The following CGNL1 variants were observed in gnomAD, a reference collection of about 807,000 sequenced individuals.
CGNL1 encodes the protein cingulin like 1, also known as cingulin-like protein 1.
In CGNL1, 132 loss-of-function variants were observed where a neutral mutation model predicts 141.2. The observed-to-expected ratio is 0.93, with a 90% CI of 0.81 to 1.08. The LOEUF is 1.08. CGNL1 is among the 50% of genes least tolerant of loss of function. The pLI is 0.00. For missense variants in CGNL1, 1,870 were observed against 1,588.6 expected, an observed-to-expected ratio of 1.18 and a Z score of -3.01; for synonymous variants, 690 against 622.1, an observed-to-expected ratio of 1.11 and a Z score of -1.63.
chr15:57,518,532 A>G (rs754014357), intron 10 of CGNL1, 35 bp downstream of exon 10: 37 of 1,414,702 alleles, frequency 2.6e-5, no homozygotes, highest in Non-Finnish European at 3.5e-5. Flanking sequence ...TACTCCCTCA[A>G]GAAGAATGCA....
chr15:57,462,607 T>C (rs1292568377), intron 8 of CGNL1, among the ~76,000 whole-genome samples: 2 of 152,288 alleles, frequency 1.3e-5, no homozygotes, highest in East Asian at 3.9e-4. Flanking sequence ...GACTCTGCAA[T>C]ATATAGGTTA....
chr15:57,424,900 C>T, intron 1 of CGNL1, among the ~76,000 whole-genome samples: 1 of 152,156 alleles, frequency 6.6e-6, no homozygotes, highest in East Asian at 1.9e-4. Flanking sequence ...GATCATCCTA[C>T]ATATTAATGT....
intron 1 of CGNL1, among the ~76,000 whole-genome samples, chr15:57,407,655 G>A (rs1176955080): frequency 2.0e-5 from 3 of 152,078 alleles, no homozygotes; most frequent in Non-Finnish European, 2.9e-5. Flanking sequence ...TGGCCTGGGC[G>A]ACAGAGTGAG....
chr15:57,400,318 T>C (rs2062646056), intron 1 of CGNL1, among the ~76,000 whole-genome samples: 1 of 152,202 alleles, frequency 6.6e-6, no homozygotes, highest in Non-Finnish European at 1.5e-5. Flanking sequence ...GTCTGCCTTT[T>C]GTGGTTCTTC....
At chr15:57,415,155 T>C (rs1343262767) in intron 1 of CGNL1, among the ~76,000 whole-genome samples, 1 of 152,214 alleles carries the variant, frequency 6.6e-6, no homozygotes. Flanking sequence ...CCTTTTTCTT[T>C]TCTTCCTGGA....
intron 12 of CGNL1, chr15:57,527,205 C>T (rs1652145079): frequency 6.6e-6 from 1 of 152,164 alleles, no homozygotes; most frequent in Admixed American, 6.5e-5. Flanking sequence ...GGGTCTTCAT[C>T]TGGAGATGTC....
chr15:57,463,295 A>G (rs2063469097), intron 8 of CGNL1, among the ~76,000 whole-genome samples: 1 of 152,210 alleles, frequency 6.6e-6, no homozygotes, highest in Non-Finnish European at 1.5e-5. Context: ...AGGAAAGGAT[A>G]CATGGTAGGT....
At position 57,516,954 on chromosome 15, in the gene CGNL1, G is replaced by A. The variant is rs749831898; in HGVS notation, c.2578G>A (p.Ala860Thr). Residue 860 changes from alanine to threonine, a missense_variant, in exon 9 of 19, where the codon GCC becomes ACC. Coordinates refer to ENST00000281282, the MANE Select transcript of CGNL1 (RefSeq NM_032866.5). ...RQIEDLKGDE[A>T]KAKETLKKYE... Reference sequence around the variant, plus strand: ...GATCGAGGACCTGAAAGGCGATGAAGCCAAGGCGAAGGAAACGCTGAAGAA... The same window carrying A: ...GATCGAGGACCTGAAAGGCGATGAAACCAAGGCGAAGGAAACGCTGAAGAA... 3.7e-6 allele frequency: 6 copies of A among 1,613,542 alleles called. No individual in the cohort carries two copies. In the South Asian group the frequency reaches 4.4e-5, roughly 12 times the overall value.
intron 14 of CGNL1, among the ~76,000 whole-genome samples, chr15:57,532,034 T>C (rs1261087968): frequency 1.3e-5 from 2 of 152,216 alleles, no homozygotes. Flanking sequence ...TCAAGGTTTT[T>C]AGGTTTTGAT....
chr15:57,486,254 G>T (rs983851320), intron 8 of CGNL1, among the ~76,000 whole-genome samples: 1 of 152,146 alleles, frequency 6.6e-6, no homozygotes, highest in Non-Finnish European at 1.5e-5. Flanking sequence ...CTTCTTCTGT[G>T]TTAGGTCATC....
intron 1 of CGNL1, chr15:57,407,296 T>G (rs1836883779): frequency 6.6e-6 from 1 of 152,182 alleles, no homozygotes; most frequent in Non-Finnish European, 1.5e-5. Flanking sequence ...TCCTCATCTG[T>G]TTTGTTTTAT....
chr15:57,437,866 T>C (rs2458104), intron 1 of CGNL1, 119 bp from the exon 2 acceptor site: 16 of 1,026,272 alleles, frequency 1.6e-5, no homozygotes, highest in Non-Finnish European at 2.3e-5. Context: ...TCTTTGCTGT[T>C]TAAAATGTCT....
chr15:57,460,415 C>G (rs2063430802), intron 7 of CGNL1, among the ~76,000 whole-genome samples: 1 of 151,836 alleles, frequency 6.6e-6, no homozygotes, highest in Non-Finnish European at 1.5e-5. Context: ...GGCAGGTAGC[C>G]AAGATTCAAG....
chr15:57,441,301 A>ATC (rs1567120130), intron 3 of CGNL1, among the ~76,000 whole-genome samples: 1 of 152,248 alleles, frequency 6.6e-6, no homozygotes, highest in Non-Finnish European at 1.5e-5. Context: ...GGTTATTAGT[A>ATC]TCTCCCTGTG....
rs1475112433 is a variant in CGNL1, at chr15:57,438,082, A to T, written c.83A>T (p.Lys28Ile). 6.2e-7 allele frequency: 1 copy of T among 1,613,998 alleles called. No individual in the cohort carries two copies. Among genetic ancestry groups the T allele is most frequent in the Non-Finnish European group, 8.5e-7 (1 of 1,180,018 alleles). Reference protein sequence around the residue: ...HLRLASDDTQKSRSSQNSKAG... With the variant: ...HLRLASDDTQISRSSQNSKAG... ...AGACTCGCAAGTGATGATACCCAAA[A>T]ATCAAGGAGTTCCCAGAACTCCAAG... The change falls in exon 2 of 19, where the codon AAA becomes ATA. Residue 28 changes from lysine (K) to isoleucine (I), a missense_variant. By Grantham distance (102) the Lys-to-Ile change is moderately radical. Coordinates refer to ENST00000281282, the MANE Select transcript of CGNL1 (RefSeq NM_032866.5).
At chr15:57,378,111 G>A (rs1706345) in intron 1 of CGNL1, among the ~76,000 whole-genome samples, 68,128 of 151,982 alleles carry the variant, frequency 0.45, 16,718 homozygotes, top group African/African-American at 0.65. Flanking sequence ...CTGTCACATG[G>A]TCTTAAAAAT....
intron 14 of CGNL1, among the ~76,000 whole-genome samples, chr15:57,541,701 T>G (rs2032573553): frequency 6.6e-6 from 1 of 152,206 alleles, no homozygotes; most frequent in Admixed American, 6.5e-5. Context: ...TCCTTTTCAC[T>G]TAGATGGTCC....
chr15:57,464,105 T>G (rs963711271), intron 8 of CGNL1, among the ~76,000 whole-genome samples: 2 of 150,370 alleles, frequency 1.3e-5, no homozygotes, highest in African/African-American at 4.9e-5. Context: ...AGTGACAAAC[T>G]CTAGTACCTC....
At chr15:57,546,323 G>T (rs1567181681) in intron 18 of CGNL1, 84 bp downstream of exon 18, 7 of 1,418,242 alleles carry the variant, frequency 4.9e-6, no homozygotes, top group Non-Finnish European at 6.6e-6. Context: ...TCACACTCCT[G>T]TTGTCTCAAG....
Sources: allele counts gnomAD v4.1 joint callset (sites outside exome capture counted in the v4.1 genomes callset), GRCh38; gene constraint gnomAD v4.1.1; transcripts MANE v1.5; gene names NCBI Gene and HGNC (gene_info 2026-07-23, HGNC 2026-07-21).